Variants in SPATS2 observed in about 807,000 individuals in gnomAD.
SPATS2 encodes spermatogenesis-associated serine-rich protein 2.
SPATS2 carries 38 observed loss-of-function variants against 63.7 expected under a neutral mutation model. The ratio of observed to expected loss-of-function variants is 0.60; its 90% CI spans 0.46 to 0.78. The LOEUF (loss-of-function observed/expected upper bound fraction) is 0.78, where lower values mean the gene tolerates loss of function less well. SPATS2 is among the 30% of genes least tolerant of loss of function. SPATS2 has a pLI of 0.00. For synonymous variants in SPATS2, 207 were observed against 232.9 expected (o/e 0.89, Z 1.01); for missense variants, 588 against 666.2 (o/e 0.88, Z 1.29).
Position 49,514,565 on chromosome 12 carries a change from C to T in SPATS2, c.850C>T (p.Arg284Ter), listed in dbSNP as rs1946807798. 3.7e-6 allele frequency: 6 copies of T among 1,612,966 alleles called. No homozygotes were observed. Among genetic ancestry groups the T allele is most frequent in the Non-Finnish European group, 5.1e-6 (6 of 1,179,526 alleles). ...FAELESCLMDREVALLAEMDK... is the reference protein window; with the variant it reads ...FAELESCLMD The stretch of plus-strand genomic sequence containing the variant: ...GTCATCTTTTCCTAGTTTAATGGAT[C>T]GAGAAGTGGCGTTGCTTGCTGAAAT... The change falls in exon 10 of 14, where the codon CGA becomes TGA. Residue 284 changes from arginine (R) to a stop codon, truncating the protein, a stop_gained. Transcript: ENST00000552918. LOFTEE classifies it high-confidence loss of function.
At chr12:49,449,480 C>T (rs78426366) in intron 2 of SPATS2, among the ~76,000 whole-genome samples, 1 of 152,210 alleles carries the variant, frequency 6.6e-6, no homozygotes. Context: ...TCCCAAAGTG[C>T]TGGGATTACA....
rs1429073234 is a variant in SPATS2 at position 49,509,836 on chromosome 12, A to G, written c.840-4719A>G. ...AAAAAAAAAAAAAAAAGGGAAGGAA[A>G]AAAACTATTGGCAATTCTCTTTTTT... On this transcript the variant is annotated intron_variant, in intron 9 of 13. Coordinates refer to ENST00000552918, the MANE Select transcript of SPATS2 (RefSeq NM_023071.4). Among the ~76,000 whole-genome samples, 8 of 151,808 alleles carry G rather than the reference A, an allele frequency of 5.3e-5. No homozygotes were observed. In the South Asian group the frequency reaches 1.5e-3, roughly 28 times the overall value.
chr12:49,435,416 G>A (rs868143239), intron 2 of SPATS2, among the ~76,000 whole-genome samples: 1 of 151,278 alleles, frequency 6.6e-6, no homozygotes, highest in East Asian at 1.9e-4. Flanking sequence ...TTTGTCTCCT[G>A]GCCTCAAGCA....
In SPATS2 at chr12:49,516,831, C is replaced by T. The variant is rs184681380; in HGVS notation, c.898+2218C>T. ...CAATCTTATTTTATCAAATTCAGAG[C>T]TCAAAGTTTTACTTAACTTCATCAG... On this transcript the variant is annotated intron_variant, in intron 10 of 13. Coordinates refer to ENST00000552918, the MANE Select transcript of SPATS2 (RefSeq NM_023071.4). Among the ~76,000 whole-genome samples, 59 of 152,226 alleles carry T rather than the reference C, an allele frequency of 3.9e-4. No homozygotes were observed. The South Asian group carries it at 7.5e-3, about 19-fold the overall frequency.
intron 2 of SPATS2, among the ~76,000 whole-genome samples, chr12:49,406,148 C>T (rs1944692042): frequency 1.3e-5 from 2 of 152,086 alleles, no homozygotes; most frequent in South Asian, 2.1e-4. Flanking sequence ...CTGGTAATCC[C>T]AGCTACTTGG....
At chr12:49,503,397 C>T (rs1201222077) in intron 9 of SPATS2, among the ~76,000 whole-genome samples, 1 of 150,336 alleles carries the variant, frequency 6.7e-6, no homozygotes. Context: ...TGCCTGTAAT[C>T]CCAGCGCTTT....
intron 2 of SPATS2, among the ~76,000 whole-genome samples, chr12:49,427,537 A>G (rs1479440615): frequency 2.0e-5 from 3 of 152,232 alleles, no homozygotes; most frequent in African/African-American, 4.8e-5. Flanking sequence ...TCTGGATCAT[A>G]GGATTGACAA....
rs367977869 is a variant in SPATS2, at chr12:49,433,243, A to G, written c.-243-27527A>G. Reference sequence around the variant, plus strand: ...AGTTGCGTGATCTCAGCTCACTGCAACCTCCGCCTCCCAGGTTCAAGCGAT... The same window carrying G: ...AGTTGCGTGATCTCAGCTCACTGCAGCCTCCGCCTCCCAGGTTCAAGCGAT... On this transcript the variant is annotated intron_variant, in intron 2 of 13. Transcript: ENST00000552918. Among the ~76,000 whole-genome samples the G allele has an allele frequency of 4.7e-4, 72 of 152,146 alleles. No homozygotes were observed. The South Asian group carries it at 0.012, about 26-fold the overall frequency.
At chr12:49,385,826 G>GT (rs199622051) in intron 2 of SPATS2, among the ~76,000 whole-genome samples, 11,354 of 148,866 alleles carry the variant, frequency 0.076, 476 homozygotes, top group African/African-American at 0.093. Flanking sequence ...AATTTTGTGG[G>GT]GTTTTTTTTG....
At chr12:49,511,061 C>T (rs898629570) in intron 9 of SPATS2, among the ~76,000 whole-genome samples, 3 of 151,940 alleles carry the variant, frequency 2.0e-5, no homozygotes, top group African/African-American at 4.8e-5. Flanking sequence ...ATTAGCTGGG[C>T]GTGGTGCCAC....
chr12:49,451,938 C>T (rs1199154427), intron 2 of SPATS2, among the ~76,000 whole-genome samples: 8 of 152,198 alleles, frequency 5.3e-5, no homozygotes, highest in Non-Finnish European at 1.2e-4. Flanking sequence ...TTCTTGCCTT[C>T]TGGCTTCTTT....
chr12:49,502,610 C>T (rs761091841), intron 9 of SPATS2, among the ~76,000 whole-genome samples: 15 of 152,160 alleles, frequency 9.9e-5, no homozygotes, highest in Non-Finnish European at 1.8e-4. Context: ...GCATGTGCCA[C>T]CACACCTGGC....
chr12:49,431,893 G>T (rs1275567974), intron 2 of SPATS2, among the ~76,000 whole-genome samples: 1 of 152,106 alleles, frequency 6.6e-6, no homozygotes, highest in African/African-American at 2.4e-5. Context: ...TTAGCTAGGT[G>T]TGGTAGTGTG....
intron 9 of SPATS2, among the ~76,000 whole-genome samples, chr12:49,508,069 A>G (rs1946682967): frequency 6.6e-6 from 1 of 152,206 alleles, no homozygotes; most frequent in African/African-American, 2.4e-5. Context: ...ACCCAAAGAT[A>G]CTTTTCCACT....
Position 49,527,148 on chromosome 12 carries a change from A to C in SPATS2, c.*893A>C, listed in dbSNP as rs1365347669. 1 of 149,296 alleles carries C rather than the reference A, an allele frequency of 6.7e-6. No individual in the cohort carries two copies. The highest frequency in any genetic ancestry group is 1.5e-5 in the Non-Finnish European group (1 of 67,648). The allele number at this position is 149,296 out of a possible 1,614,324, so 9.2% of individuals were successfully genotyped here. ...AGGCTGAGGCAGGAGAATCGCTTGA[A>C]CCCAGGAGGCGGAGGCTGCAGTGAG... On this transcript the variant is annotated 3_prime_UTR_variant, in exon 14 of 14. Coordinates refer to ENST00000552918, the MANE Select transcript of SPATS2 (RefSeq NM_023071.4).
intron 10 of SPATS2, among the ~76,000 whole-genome samples, chr12:49,518,117 A>C (rs1946880558): frequency 1.3e-5 from 2 of 152,250 alleles, no homozygotes; most frequent in African/African-American, 2.4e-5. Flanking sequence ...GAAAGGCTAA[A>C]TGCCCCCTTC....
intron 2 of SPATS2, among the ~76,000 whole-genome samples, chr12:49,447,895 A>T (rs1945544050): frequency 6.6e-6 from 1 of 151,962 alleles, no homozygotes; most frequent in African/African-American, 2.4e-5. Flanking sequence ...AAAAAGAACC[A>T]ACTTTTGGTT....
intron 9 of SPATS2, among the ~76,000 whole-genome samples, chr12:49,511,729 C>T (rs1300115027): frequency 2.0e-5 from 3 of 152,154 alleles, no homozygotes; most frequent in African/African-American, 4.8e-5. Flanking sequence ...AAAACTTTAG[C>T]TTAAGTTTCT....
intron 6 of SPATS2, 184 bp downstream of exon 6, chr12:49,490,915 G>A: frequency 1.8e-6 from 1 of 543,976 alleles, no homozygotes; most frequent in Non-Finnish European, 3.2e-6. Context: ...GCCAAGGCAG[G>A]TGGATCACTT....
Sources: gnomAD v4.1 joint callset for allele counts (sites outside exome capture counted in the v4.1 genomes callset) on GRCh38, gnomAD v4.1.1 for gene constraint, MANE v1.5 for transcripts, NCBI Gene and HGNC (gene_info 2026-07-23, HGNC 2026-07-21) for gene names.